Variants in CTDSPL observed in about 807,000 individuals in gnomAD.
CTDSPL encodes CTD small phosphatase-like protein.
Under a neutral mutation model 30.5 loss-of-function variants are expected in CTDSPL, and 8 were observed. The observed-to-expected ratio is 0.26, with a 90% confidence interval of 0.15 to 0.47. The LOEUF (loss-of-function observed/expected upper bound fraction) is 0.47, where lower values mean the gene tolerates loss of function less well. Among genes scored for constraint, CTDSPL ranks in the 20% least tolerant of loss-of-function variants. CTDSPL has a pLI of 0.99. For missense variants in CTDSPL, 248 were observed against 366.1 expected (o/e 0.68, Z 2.63); for synonymous variants, 110 against 137.9 (o/e 0.80, Z 1.42).
chr3:37,886,317 A>G (rs983892313), intron 1 of CTDSPL, among the ~76,000 whole-genome samples: 2 of 151,434 alleles, frequency 1.3e-5, no homozygotes, highest in Non-Finnish European at 2.9e-5. Context: ...ATGCCTTCCC[A>G]TTTCCCTCCC....
intron 1 of CTDSPL, among the ~76,000 whole-genome samples, chr3:37,878,502 C>T (rs946120678): frequency 3.3e-5 from 5 of 152,110 alleles, no homozygotes; most frequent in Non-Finnish European, 1.5e-5. Context: ...TATGTGTGGG[C>T]CTATTTCTGG....
chr3:37,975,936 G>T lies in CTDSPL; in HGVS notation c.705+42G>T, dbSNP rs764983242. ...AAAGAAAATGTCGTGCTCCATCTGA[G>T]CCCTCTGTCTTGCCAGGCAGGTACC... On this transcript the variant is annotated intron_variant, in intron 7 of 7. Transcript: ENST00000273179. This position sits in a 1 kb window ranked among gnomAD's most constrained non-coding sequence, Gnocchi z 4.9. 3 of 1,592,464 alleles carry T rather than the reference G, an allele frequency of 1.9e-6. No individual in the cohort carries two copies. Among genetic ancestry groups the T allele is most frequent in the Non-Finnish European group, 2.6e-6 (3 of 1,164,702 alleles).
At chr3:37,881,443 C>T (rs968109136) in intron 1 of CTDSPL, among the ~76,000 whole-genome samples, 3 of 152,070 alleles carry the variant, frequency 2.0e-5, no homozygotes, top group South Asian at 2.1e-4. Flanking sequence ...GCAGGAGAAT[C>T]GCTTAAATGC....
intron 3 of CTDSPL, among the ~76,000 whole-genome samples, chr3:37,957,924 G>C (rs1699193039): frequency 6.6e-6 from 1 of 152,206 alleles, no homozygotes; most frequent in Non-Finnish European, 1.5e-5. Context: ...TGAGATGCCT[G>C]TATCAAACAA....
chr3:37,913,863 A>G (rs542447781), intron 1 of CTDSPL, among the ~76,000 whole-genome samples: 1 of 152,314 alleles, frequency 6.6e-6, no homozygotes, highest in Admixed American at 6.5e-5. Context: ...CTGTTGCTGT[A>G]TAATAAGTTT....
At chr3:37,875,595 G>A (rs1218793974) in intron 1 of CTDSPL, among the ~76,000 whole-genome samples, 6 of 152,178 alleles carry the variant, frequency 3.9e-5, no homozygotes, top group Non-Finnish European at 7.3e-5. Context: ...TAAACTGTAT[G>A]TAATCTTTCT....
intron 1 of CTDSPL, among the ~76,000 whole-genome samples, chr3:37,934,939 AC>A (rs973683140): frequency 1.3e-5 from 2 of 151,614 alleles, no homozygotes; most frequent in African/African-American, 4.9e-5. Flanking sequence ...AGGTCCCTGT[AC>A]CCCTGGAGCC....
At chr3:37,951,942 A>G (rs1016604992) in intron 2 of CTDSPL, among the ~76,000 whole-genome samples, 4 of 152,204 alleles carry the variant, frequency 2.6e-5, no homozygotes, top group African/African-American at 2.4e-5. Context: ...ACTACATCAG[A>G]TTGGTTTGAC....
chr3:37,951,968 A>T (rs972182006), intron 2 of CTDSPL, among the ~76,000 whole-genome samples: 2 of 152,230 alleles, frequency 1.3e-5, no homozygotes, highest in Non-Finnish European at 2.9e-5. Flanking sequence ...CAGCTGTATG[A>T]TATTTCCAAG....
intron 7 of CTDSPL, among the ~76,000 whole-genome samples, chr3:37,980,241 CTG>C (rs1241755869): frequency 6.6e-6 from 1 of 152,164 alleles, no homozygotes; most frequent in Non-Finnish European, 1.5e-5. Flanking sequence ...TAACTGATCA[CTG>C]TTAAGCAAGG....
At chr3:37,920,410 G>A (rs1224812678) in intron 1 of CTDSPL, among the ~76,000 whole-genome samples, 4 of 152,244 alleles carry the variant, frequency 2.6e-5, no homozygotes, top group South Asian at 2.1e-4. Flanking sequence ...GAGCTGCTGC[G>A]ACTGCATTAG....
intron 1 of CTDSPL, among the ~76,000 whole-genome samples, chr3:37,889,678 G>A (rs1559625467): frequency 1.3e-5 from 2 of 152,024 alleles, no homozygotes; most frequent in Admixed American, 6.6e-5. Flanking sequence ...TACAATGAAT[G>A]GAAAAAATTA....
At chr3:37,898,459 G>A (rs1177829959) in intron 1 of CTDSPL, among the ~76,000 whole-genome samples, 5 of 152,156 alleles carry the variant, frequency 3.3e-5, no homozygotes, top group Non-Finnish European at 7.3e-5. Flanking sequence ...TGCAGGTAAA[G>A]AGAGTTCAAA....
At chr3:37,866,732 A>G (rs1410362907) in intron 1 of CTDSPL, among the ~76,000 whole-genome samples, 4 of 152,198 alleles carry the variant, frequency 2.6e-5, no homozygotes, top group Non-Finnish European at 5.9e-5. Flanking sequence ...CTAAGGTGCT[A>G]GGTGTGTTTC....
At chr3:37,968,083 C>G (rs545712035) in intron 5 of CTDSPL, 1 of 537,336 alleles carries the variant, frequency 1.9e-6, no homozygotes, top group Non-Finnish European at 3.3e-6. Context: ...AAACTATAGT[C>G]GTAAATATTA....
intron 2 of CTDSPL, among the ~76,000 whole-genome samples, chr3:37,956,488 C>T (rs1321339458): frequency 6.6e-6 from 1 of 152,180 alleles, no homozygotes; most frequent in Non-Finnish European, 1.5e-5. Context: ...GCATTTGGGG[C>T]TGAGGAATAT....
At chr3:37,877,227 T>G (rs986972264) in intron 1 of CTDSPL, among the ~76,000 whole-genome samples, 2 of 152,212 alleles carry the variant, frequency 1.3e-5, no homozygotes, top group African/African-American at 4.8e-5. Context: ...TCTTTTCATA[T>G]TGCAAAAACG....
chr3:37,880,136 GAT>G (rs140994338), intron 1 of CTDSPL, among the ~76,000 whole-genome samples: 7,789 of 146,304 alleles, frequency 0.053, 239 homozygotes, highest in South Asian at 0.09. Flanking sequence ...ATAAAAATAA[GAT>G]ATATATATAT....
chr3:37,881,411 C>T (rs1404362385), intron 1 of CTDSPL, among the ~76,000 whole-genome samples: 2 of 152,112 alleles, frequency 1.3e-5, no homozygotes, highest in Admixed American at 6.6e-5. Flanking sequence ...TGCCTGTAAT[C>T]CCAGCTACTC....
Sources: allele counts gnomAD v4.1 joint callset (sites outside exome capture counted in the v4.1 genomes callset), GRCh38; gene constraint gnomAD v4.1.1; non-coding constraint Gnocchi (gnomAD v3.1); transcripts MANE v1.5; gene names NCBI Gene and HGNC (gene_info 2026-07-23, HGNC 2026-07-21).